Variants in TRIP12 observed in about 807,000 individuals in gnomAD.
TRIP12 encodes the protein thyroid hormone receptor interactor 12.
In TRIP12, 25 loss-of-function variants were observed where a neutral mutation model predicts 244.2. That is an observed-to-expected ratio of 0.10 (90% CI 0.07 to 0.14). TRIP12 has a LOEUF of 0.14. TRIP12 is among the 10% of genes least tolerant of loss of function. The pLI is 1.00. For synonymous variants in TRIP12, 905 were observed against 873.1 expected (o/e 1.04, Z -0.64); for missense variants, 1,677 against 2,486.4 (o/e 0.67, Z 6.92).
rs1465903466 is a variant in TRIP12 at position 229,821,013 on chromosome 2, T to C, written c.1451-2501A>G. On this transcript the variant is annotated intron_variant, in intron 8 of 41. Coordinates refer to ENST00000675903, the MANE Select transcript of TRIP12 (RefSeq NM_001348323.3). ...CCCAGCACAGTTCAAACTCATATTG[T>C]TCAAGAGTCAACTGTATATAGAAAA... Among the ~76,000 whole-genome samples, 3 of 152,224 alleles carry C rather than the reference T, an allele frequency of 2.0e-5. No individual in the cohort carries two copies. In the East Asian group the frequency reaches 5.8e-4, roughly 29 times the overall value.
intron 11 of TRIP12, among the ~76,000 whole-genome samples, chr2:229,814,736 T>C (rs976465167): frequency 1.1e-4 from 17 of 152,172 alleles, no homozygotes; most frequent in African/African-American, 4.1e-4. Flanking sequence ...CACAATTTAC[T>C]AGAAACCATA....
chr2:229,822,030 C>T (rs371648782), intron 8 of TRIP12, among the ~76,000 whole-genome samples: 1 of 152,152 alleles, frequency 6.6e-6, no homozygotes, highest in Non-Finnish European at 1.5e-5. Flanking sequence ...GTCCCAGATA[C>T]GTGGGAGGCT....
chr2:229,813,597 A>G (rs554363698), intron 13 of TRIP12, among the ~76,000 whole-genome samples: 13 of 152,170 alleles, frequency 8.5e-5, no homozygotes, highest in Admixed American at 4.6e-4. Context: ...CAGCCTGGCC[A>G]ACATAGCAAA....
chr2:229,788,675 G>A (rs2040681087), intron 32 of TRIP12, 123 bp downstream of exon 32: 1 of 1,305,510 alleles, frequency 7.7e-7, no homozygotes, highest in Non-Finnish European at 1.1e-6. Context: ...TAAGCAAGTT[G>A]TGATCAACAG....
Position 229,900,923 on chromosome 2 carries a change from T to C in TRIP12, c.-49-20795A>G, listed in dbSNP as rs1361194420. On this transcript the variant is annotated intron_variant, in intron 1 of 41. Coordinates refer to ENST00000675903, the MANE Select transcript of TRIP12 (RefSeq NM_001348323.3). ...TGAATTGTATGGCATGTGAATTATA[T>C]CTCAATAAAGCTATTTTTTTTTTTT... 2.7e-5 allele frequency: 4 copies of C among 150,798 alleles called. No homozygotes were observed. In the East Asian group the frequency reaches 7.8e-4, roughly 30 times the overall value. 9.3% of individuals were successfully genotyped at this position (150,798 alleles called of 1,614,324 possible).
Position 229,899,540 on chromosome 2 carries a change from A to G in TRIP12, c.-49-19412T>C, listed in dbSNP as rs192991758. Among the ~76,000 whole-genome samples the G allele has an allele frequency of 3.3e-3, 496 of 152,334 alleles. 3 individuals carry two copies. Among genetic ancestry groups the G allele is most frequent in the Middle Eastern group, 0.01 (3 of 294 alleles). On this transcript the variant is annotated intron_variant, in intron 1 of 41. Coordinates refer to ENST00000675903, the MANE Select transcript of TRIP12 (RefSeq NM_001348323.3). Reference sequence around the variant, plus strand: ...GATACTGGAATCTTTGGTAGGATGCATGCAAGGTTTAAAAGAATGCTGGGA... The same window carrying G: ...GATACTGGAATCTTTGGTAGGATGCGTGCAAGGTTTAAAAGAATGCTGGGA...
At chr2:229,808,500 A>C (rs1354256413) in intron 15 of TRIP12, 131 bp from the exon 16 acceptor site, 3 of 632,112 alleles carry the variant, frequency 4.7e-6, no homozygotes, top group Admixed American at 3.0e-5. Context: ...TGCAGAAATT[A>C]ATGTAAAAAA....
upstream of TRIP12, chr2:229,922,725 C>A: frequency 9.9e-7 from 1 of 1,013,260 alleles, no homozygotes; most frequent in South Asian, 1.6e-5. Context: ...AGCGCCCAGT[C>A]CCGGCTCCGC....
At chr2:229,822,907 G>A (rs1446702360) in intron 8 of TRIP12, among the ~76,000 whole-genome samples, 9 of 152,120 alleles carry the variant, frequency 5.9e-5, no homozygotes, top group African/African-American at 1.7e-4. Context: ...ACTGAAAAAC[G>A]TATCTGAAAT....
chr2:229,883,832 A>T (rs2065364403), intron 1 of TRIP12, among the ~76,000 whole-genome samples: 1 of 152,214 alleles, frequency 6.6e-6, no homozygotes, highest in Non-Finnish European at 1.5e-5. Context: ...TTAACTCTAC[A>T]CGCAAATACC....
chr2:229,803,912 T>A, intron 19 of TRIP12, 87 bp downstream of exon 19: 1 of 1,241,528 alleles, frequency 8.1e-7, no homozygotes, highest in Non-Finnish European at 1.1e-6. Flanking sequence ...TTTGTGCATA[T>A]TTTTTCTATT....
intron 39 of TRIP12, 143 bp from the exon 40 acceptor site, chr2:229,769,468 A>AT (rs1559277930): frequency 1.2e-4 from 47 of 407,870 alleles, no homozygotes; most frequent in African/African-American, 8.3e-4. Flanking sequence ...AAAAAAAAAA[A>AT]AATAATAATA....
chr2:229,803,834 A>G (rs1011955262), intron 19 of TRIP12, 145 bp from the exon 20 acceptor site: 1 of 858,580 alleles, frequency 1.2e-6, no homozygotes, highest in African/African-American at 1.7e-5. Context: ...CTCAAGTTTT[A>G]TATTTTATAA....
intron 27 of TRIP12, 37 bp downstream of exon 27, chr2:229,792,936 A>G: frequency 2.5e-6 from 4 of 1,576,336 alleles, no homozygotes; most frequent in Non-Finnish European, 3.4e-6. Flanking sequence ...TCCCAAATAT[A>G]CATATATAAC....
intron 1 of TRIP12, among the ~76,000 whole-genome samples, chr2:229,910,561 T>C (rs980327741): frequency 6.6e-6 from 1 of 152,192 alleles, no homozygotes; most frequent in African/African-American, 2.4e-5. Context: ...CTTCAGTAAT[T>C]CCTTTCAGTA....
chr2:229,851,535 G>A (rs1007253477), intron 4 of TRIP12, among the ~76,000 whole-genome samples: 1 of 152,172 alleles, frequency 6.6e-6, no homozygotes. Flanking sequence ...CGAGCCAGCA[G>A]TGGCAACCCG....
chr2:229,796,818 T>C, intron 24 of TRIP12, 36 bp from the exon 25 acceptor site: 7 of 1,507,096 alleles, frequency 4.6e-6, no homozygotes, highest in Non-Finnish European at 6.2e-6. Flanking sequence ...TATATTGATT[T>C]AAGCAGCACT....
At chr2:229,853,586 G>C (rs750951600) in intron 4 of TRIP12, among the ~76,000 whole-genome samples, 4 of 152,146 alleles carry the variant, frequency 2.6e-5, no homozygotes, top group Non-Finnish European at 4.4e-5. Flanking sequence ...GAATCCAGGA[G>C]GGGGAGGATG....
At chr2:229,853,975 T>C (rs1329313897) in intron 4 of TRIP12, among the ~76,000 whole-genome samples, 1 of 152,240 alleles carries the variant, frequency 6.6e-6, no homozygotes, top group Admixed American at 6.5e-5. Flanking sequence ...TTTATGTTGA[T>C]GTATCCATTT....
Sources: allele counts gnomAD v4.1 joint callset (sites outside exome capture counted in the v4.1 genomes callset), GRCh38; gene constraint gnomAD v4.1.1; transcripts MANE v1.5; gene names NCBI Gene and HGNC (gene_info 2026-07-23, HGNC 2026-07-21).